Variants in AHR observed in about 807,000 individuals in gnomAD.
The protein encoded by AHR is aryl hydrocarbon receptor, also known as AH-receptor.
AHR carries 40 observed loss-of-function variants against 86.8 expected under a neutral mutation model. The observed-to-expected ratio is 0.46, with a 90% CI of 0.36 to 0.60. The LOEUF (loss-of-function observed/expected upper bound fraction) is 0.60, where lower values mean the gene tolerates loss of function less well. Ranked by LOEUF, AHR falls within the 20% of genes least tolerant of loss-of-function variation. AHR has a pLI of 0.00. For missense variants in AHR, 1,001 were observed against 1,011.6 expected (o/e 0.99, Z 0.14); for synonymous variants, 398 against 354.9 (o/e 1.12, Z -1.37).
In AHR at chr7:17,340,013, C is replaced by G. The variant is rs1782402078; in HGVS notation, c.2188C>G (p.Pro730Ala). The G allele has an allele frequency of 1.9e-6, 3 of 1,614,056 alleles. No individual in the cohort carries two copies. In the South Asian group the frequency reaches 3.3e-5, roughly 18 times the overall value. The change falls in exon 10 of 11, where the codon CCC becomes GCC. Residue 730 changes from proline (P) to alanine (A), a missense_variant. By Grantham distance (27) the Pro-to-Ala change is conservative. Coordinates refer to ENST00000242057, the MANE Select transcript of AHR (RefSeq NM_001621.5). Reference protein sequence around the residue: ...PMGSFEPSPYPTTSSLEDFVT... With the variant: ...PMGSFEPSPYATTSSLEDFVT... Reference sequence around the variant, plus strand: ...GGGGAGTTTTGAACCATCCCCATACCCCACTACTTCTAGTTTAGAAGATTT... The same window carrying G: ...GGGGAGTTTTGAACCATCCCCATACGCCACTACTTCTAGTTTAGAAGATTT...
chr7:17,304,924 C>A (rs994397128), intron 1 of AHR, among the ~76,000 whole-genome samples: 1 of 151,800 alleles, frequency 6.6e-6, no homozygotes, highest in Non-Finnish European at 1.5e-5. Flanking sequence ...TGTGTGTTTG[C>A]GTAGAAGAAG....
chr7:17,322,420 G>A, intron 2 of AHR, 81 bp from the exon 3 acceptor site: 1 of 850,738 alleles, frequency 1.2e-6, no homozygotes. Context: ...AATTGTCTTT[G>A]TTTGGTGTTC....
intron 10 of AHR, among the ~76,000 whole-genome samples, chr7:17,340,976 T>C (rs1364951171): frequency 6.6e-6 from 1 of 151,862 alleles, no homozygotes; most frequent in South Asian, 2.1e-4. Flanking sequence ...AAATGATCAC[T>C]TAAAAAAAAA....
chr7:17,299,026 C>T lies in AHR; in HGVS notation c.-239C>T. 1 of 479,120 alleles carries T rather than the reference C, an allele frequency of 2.1e-6. No individual in the cohort carries two copies. Among genetic ancestry groups the T allele is most frequent in the Non-Finnish European group, 3.6e-6 (1 of 277,760 alleles). 29.7% of individuals were successfully genotyped at this position (479,120 alleles called of 1,614,324 possible). On this transcript the variant is annotated 5_prime_UTR_variant, in exon 1 of 11. Coordinates refer to ENST00000242057, the MANE Select transcript of AHR (RefSeq NM_001621.5). ...CTTGCTCGCGGGTCTCCGCCCCTCG[C>T]CCACCCTCACTGCGCCAGGCCCAGG...
chr7:17,306,715 A>G (rs1782009702), intron 1 of AHR, among the ~76,000 whole-genome samples: 1 of 151,928 alleles, frequency 6.6e-6, no homozygotes, highest in South Asian at 2.1e-4. Flanking sequence ...ACCATTTGCA[A>G]CCTCTCCTCA....
chr7:17,301,082 T>C (rs1488793458), intron 1 of AHR, among the ~76,000 whole-genome samples: 1 of 151,944 alleles, frequency 6.6e-6, no homozygotes, highest in East Asian at 1.9e-4. Context: ...ATTAATTTCT[T>C]ATAATATAAC....
chr7:17,339,957 A>T lies in AHR; in HGVS notation c.2132A>T (p.His711Leu). 1 of 1,614,162 alleles carries T rather than the reference A, an allele frequency of 6.2e-7. No homozygotes were observed. Residue 711 changes from histidine (H) to leucine (L), a missense_variant, in exon 10 of 11, where the codon CAT becomes CTT. This residue lies in a region of AHR where 607 missense variants were observed against 543.1 expected (regional missense o/e 1.12). Transcript: ENST00000242057. ...ISCNQPVLPQ[H>L]SKCTELDYPM... ...TGTAATCAGCCTGTATTACCACAAC[A>T]TTCCAAATGTACAGAGCTGGACTAC... is the stretch of plus-strand genomic sequence containing the variant.
chr7:17,343,279 A>G lies in AHR; in HGVS notation c.*215A>G, dbSNP rs1562483802. The G allele has an allele frequency of 3.5e-6, 2 of 576,806 alleles. No individual in the cohort carries two copies. The highest frequency in any genetic ancestry group is 3.1e-5 in the East Asian group (1 of 32,688). 35.7% of individuals were successfully genotyped at this position (576,806 alleles called of 1,614,324 possible). On this transcript the variant is annotated 3_prime_UTR_variant, in exon 11 of 11. Coordinates refer to ENST00000242057, the MANE Select transcript of AHR (RefSeq NM_001621.5). ...TACATATACTACAGTCAAGATAGAA[A>G]GGGTGCTGCCACGGAGTGGTGAGGT...
chr7:17,335,612 G>T (rs1247462801), intron 8 of AHR, 33 bp from the exon 9 acceptor site: 1 of 1,518,354 alleles, frequency 6.6e-7, no homozygotes, highest in Admixed American at 2.1e-5. Flanking sequence ...TGATTTGGGG[G>T]TTTGATAATT....
intron 6 of AHR, among the ~76,000 whole-genome samples, chr7:17,332,478 T>C (rs1249045657): frequency 6.6e-6 from 1 of 151,854 alleles, no homozygotes. Flanking sequence ...AGGTGGAAGA[T>C]AGGATCATTA....
At position 17,343,477 on chromosome 7, in the gene AHR, A is replaced by G. The variant is rs2115372356; in HGVS notation, c.*413A>G. 6.0e-6 allele frequency: 1 copy of G among 165,712 alleles called. No individual in the cohort carries two copies. Among genetic ancestry groups the G allele is most frequent in the South Asian group, 1.7e-4 (1 of 6,046 alleles). 10.3% of individuals were successfully genotyped at this position (165,712 alleles called of 1,614,324 possible). On this transcript the variant is annotated 3_prime_UTR_variant, in exon 11 of 11. Coordinates refer to ENST00000242057, the MANE Select transcript of AHR (RefSeq NM_001621.5). ...GATTCTTATTAGTTCCCCAAATACA[A>G]AGTTAGAGAACTAAACTAGTTTTTC...
chr7:17,312,780 A>C (rs1433890346), intron 2 of AHR, among the ~76,000 whole-genome samples: 1 of 152,184 alleles, frequency 6.6e-6, no homozygotes, highest in Non-Finnish European at 1.5e-5. Context: ...TTAACGTTAG[A>C]TTCTTTTCAA....
chr7:17,306,587 C>T (rs1160990878), intron 1 of AHR, among the ~76,000 whole-genome samples: 1 of 152,076 alleles, frequency 6.6e-6, no homozygotes, highest in African/African-American at 2.4e-5. Flanking sequence ...ATGCCTCTTC[C>T]ATAGCCCTAT....
chr7:17,331,040 A>G (rs1024812034), intron 6 of AHR, among the ~76,000 whole-genome samples, 154 bp downstream of exon 6: 2 of 151,922 alleles, frequency 1.3e-5, no homozygotes, highest in Non-Finnish European at 2.9e-5. Context: ...ACTTAAAAAC[A>G]TGGGCTGGAG....
Position 17,334,044 on chromosome 7 carries a change from A to T in AHR, c.838A>T (p.Ile280Phe). 1 of 1,613,570 alleles carries T rather than the reference A, an allele frequency of 6.2e-7. No homozygotes were observed. Reference protein sequence around the residue: ...TPLQPPSILEIRTKNFIFRTK... With the variant: ...TPLQPPSILEFRTKNFIFRTK... ...ACTTCAGCCACCATCCATACTTGAA[A>T]TCCGGACCAAAAATTTTATCTTTAG... Residue 280 changes from isoleucine to phenylalanine, a missense_variant, in exon 7 of 11, where the codon ATC becomes TTC. Transcript: ENST00000242057.
intron 10 of AHR, among the ~76,000 whole-genome samples, chr7:17,340,726 C>T (rs1782412601): frequency 6.6e-6 from 1 of 152,048 alleles, no homozygotes; most frequent in Non-Finnish European, 1.5e-5. Flanking sequence ...CTCTGAAACC[C>T]TAGATTAATT....
In AHR at chr7:17,339,330, C is replaced by G. The variant is rs533269895; in HGVS notation, c.1505C>G (p.Pro502Arg). The G allele has an allele frequency of 6.2e-7, 1 of 1,613,966 alleles. No individual in the cohort carries two copies. Residue 502 changes from proline to arginine, a missense_variant, in exon 10 of 11, where the codon CCG (proline) becomes CGG (arginine). Physicochemically the swap from Pro to Arg is moderately radical, Grantham distance 103. This residue lies in a region of AHR where 607 missense variants were observed against 543.1 expected (regional missense o/e 1.12). Transcript: ENST00000242057. ...AGAAATTGGCAAGATAATACTGCAC[C>G]GATGGGAAATGATACTATCCTGAAA... is the stretch of plus-strand genomic sequence containing the variant. ...ECRNWQDNTA[P>R]MGNDTILKHE...
At chr7:17,302,094 T>C (rs1347570084) in intron 1 of AHR, among the ~76,000 whole-genome samples, 2 of 152,016 alleles carry the variant, frequency 1.3e-5, no homozygotes, top group Non-Finnish European at 2.9e-5. Flanking sequence ...TAATTTTGTA[T>C]ATATTTTTGT....
chr7:17,306,394 C>G (rs914179042), intron 1 of AHR, among the ~76,000 whole-genome samples: 3 of 152,152 alleles, frequency 2.0e-5, no homozygotes, highest in Admixed American at 6.6e-5. Flanking sequence ...CTTTAACAAT[C>G]TGACATTTTA....
Sources: allele counts gnomAD v4.1 joint callset (sites outside exome capture counted in the v4.1 genomes callset), GRCh38; gene constraint gnomAD v4.1.1; regional missense constraint gnomAD v4.1.1; transcripts MANE v1.5; gene names NCBI Gene and HGNC (gene_info 2026-07-23, HGNC 2026-07-21).